The following TMCO2 variants were observed in gnomAD, a reference collection of about 807,000 sequenced individuals.
TMCO2 encodes transmembrane and coiled-coil domain-containing protein 2.
A neutral mutation model predicts 18.0 loss-of-function variants in TMCO2; 15 were observed. The ratio of observed to expected loss-of-function variants is 0.84; its 90% CI spans 0.56 to 1.29. TMCO2 has a LOEUF of 1.29. Among genes scored for constraint, TMCO2 ranks in the 50% most tolerant of loss-of-function variants. The pLI is 0.00. For synonymous variants in TMCO2, 79 were observed against 75.9 expected (o/e 1.04, Z -0.21); for missense variants, 182 against 200.9 (o/e 0.91, Z 0.57).
rs767171562 is a variant in TMCO2, at chr1:40,248,199, C to T, written c.206C>T (p.Ala69Val). 2.4e-5 allele frequency: 39 copies of T among 1,613,362 alleles called. No homozygotes were observed. In the African/African-American group the frequency reaches 4.0e-4, roughly 17 times the overall value. ...FLILLGIGIY[A>V]LWKRSIQSIQ... ...ATTTTATTGGGAATAGGAATATATG[C>T]CTTATGGAAACGAAGTATTCAGTCA... Residue 69 changes from alanine to valine, a missense_variant, in exon 1 of 2, where the codon GCC becomes GTC. Physicochemically the swap from Ala to Val is moderately conservative, Grantham distance 64. Transcript: ENST00000372766.
At chr1:40,251,202 C>G in intron 1 of TMCO2, 81 bp from the exon 2 acceptor site, 2 of 1,121,718 alleles carry the variant, frequency 1.8e-6, no homozygotes, top group Non-Finnish European at 1.3e-6. Context: ...ATTATTGTTA[C>G]TATTAGGTTT....
At chr1:40,249,977 T>C (rs923742781) in intron 1 of TMCO2, among the ~76,000 whole-genome samples, 1 of 150,788 alleles carries the variant, frequency 6.6e-6, no homozygotes, top group Non-Finnish European at 1.5e-5. Flanking sequence ...GCCCAGCATA[T>C]GCTTTATTTT....
Position 40,251,659 on chromosome 1 carries a change from AATAAAG to A in TMCO2, c.*69_*74del, listed in dbSNP as rs1401083921. 3 of 1,519,556 alleles carry A rather than the reference AATAAAG, an allele frequency of 2.0e-6. No individual in the cohort carries two copies. Among genetic ancestry groups the A allele is most frequent in the Admixed American group, 2.2e-5 (1 of 45,494 alleles). 94.1% of individuals were successfully genotyped at this position (1,519,556 alleles called of 1,614,324 possible). A position where few individuals can be genotyped will look rare whatever the true frequency, so the allele number is the denominator to read the frequency against. ...TCCCTCATGTGTGCAGTGGTGTATC[AATAAAG>A]ATAGAGAACGCTATTGAAATTACCG... On this transcript the variant is annotated 3_prime_UTR_variant, in exon 2 of 2. Coordinates refer to ENST00000372766, the MANE Select transcript of TMCO2 (RefSeq NM_001008740.4).
At position 40,251,514 on chromosome 1, in the gene TMCO2, G is replaced by T. The variant is rs1643384627; in HGVS notation, c.469G>T (p.Asp157Tyr). The T allele has an allele frequency of 6.2e-7, 1 of 1,613,988 alleles. No homozygotes were observed. The highest frequency in any genetic ancestry group is 1.3e-5 in the African/African-American group (1 of 75,038). Residue 157 changes from aspartate to tyrosine, a missense_variant, in exon 2 of 2, where the codon GAT (aspartate) becomes TAT (tyrosine). By Grantham distance (160) the Asp-to-Tyr change is radical. Transcript: ENST00000372766. ...TGCTCAAAAACCTGCCACGAAGAGG[G>T]ATTGCTCCTCTGAGCCCTACTGCAG... ...IVAQKPATKR[D>Y]CSSEPYCSCS... is the part of the protein sequence containing the mutation.
At chr1:40,248,432 C>T (rs770170669) in intron 1 of TMCO2, among the ~76,000 whole-genome samples, 5 of 152,170 alleles carry the variant, frequency 3.3e-5, no homozygotes, top group Non-Finnish European at 4.4e-5. Flanking sequence ...TCACAATGGT[C>T]TTTGGCTTGT....
intron 1 of TMCO2, among the ~76,000 whole-genome samples, chr1:40,248,831 T>G (rs1643358116): frequency 6.6e-6 from 1 of 152,092 alleles, no homozygotes; most frequent in Non-Finnish European, 1.5e-5. Context: ...TTCCATGAAA[T>G]GGATGGAGAT....
chr1:40,251,186 T>C (rs928087288), intron 1 of TMCO2, 97 bp from the exon 2 acceptor site: 3 of 1,030,056 alleles, frequency 2.9e-6, no homozygotes, highest in Non-Finnish European at 4.2e-6. Flanking sequence ...GTTATTGGAA[T>C]GAGGAATTAT....
At chr1:40,248,336 G>A in intron 1 of TMCO2, 106 bp downstream of exon 1, 1 of 960,002 alleles carries the variant, frequency 1.0e-6, no homozygotes, top group Non-Finnish European at 1.5e-6. Context: ...ATGTGCAAAG[G>A]CGAACCTTTG....
chr1:40,250,530 AC>A (rs933692908), intron 1 of TMCO2, among the ~76,000 whole-genome samples: 6 of 152,052 alleles, frequency 3.9e-5, no homozygotes, highest in African/African-American at 1.4e-4. Context: ...CTTTTCCATG[AC>A]CAAGAAATCC....
At position 40,249,255 on chromosome 1, in the gene TMCO2, ATGTGTGTGTG is replaced by A. The variant is rs3075101; in HGVS notation, c.237+1063_237+1072del. ...CAACTGACCTAAATCTTGAACAGGAATGTGTGTGTGTGTGTGTGTGTGTGTGTGTGTGTGT... is the reference window on the plus strand; with the variant it reads ...CAACTGACCTAAATCTTGAACAGGAATGTGTGTGTGTGTGTGTGTGTGTGT... On this transcript the variant is annotated intron_variant, in intron 1 of 1. Coordinates refer to ENST00000372766, the MANE Select transcript of TMCO2 (RefSeq NM_001008740.4). Among the ~76,000 whole-genome samples the A allele has an allele frequency of 4.9e-3, 690 of 139,926 alleles. 3 individuals carry two copies. The highest frequency in any genetic ancestry group is 0.014 in the African/African-American group (549 of 37,924). The allele number at this position is 139,926 out of a possible 152,430, so 91.8% of individuals were successfully genotyped here.
intron 1 of TMCO2, among the ~76,000 whole-genome samples, chr1:40,250,699 A>G (rs1030988134): frequency 1.3e-5 from 2 of 152,222 alleles, no homozygotes; most frequent in Admixed American, 1.3e-4. Context: ...GCATAAATAG[A>G]TCATGCAAAG....
At chr1:40,250,173 T>A (rs1643370329) in intron 1 of TMCO2, among the ~76,000 whole-genome samples, 1 of 151,640 alleles carries the variant, frequency 6.6e-6, no homozygotes, top group Admixed American at 6.6e-5. Context: ...ATTTTAAAAA[T>A]TTTTTTGTAG....
At position 40,248,270 on chromosome 1, in the gene TMCO2, T is replaced by C. The variant is rs544777435; in HGVS notation, c.237+40T>C. On this transcript the variant is annotated intron_variant, in intron 1 of 1. Transcript: ENST00000372766. Reference sequence around the variant, plus strand: ...TTACAAACATTTATATAGTTATAAATTGAAATTTGATTAGTTCTCTCCCAT... The same window carrying C: ...TTACAAACATTTATATAGTTATAAACTGAAATTTGATTAGTTCTCTCCCAT... 6 of 1,534,046 alleles carry C rather than the reference T, an allele frequency of 3.9e-6. No individual in the cohort carries two copies. In the South Asian group the frequency reaches 5.8e-5, roughly 15 times the overall value.
At chr1:40,250,951 C>T (rs1643378468) in intron 1 of TMCO2, among the ~76,000 whole-genome samples, 1 of 152,112 alleles carries the variant, frequency 6.6e-6, no homozygotes. Flanking sequence ...TCCTGGCTAA[C>T]ACGGTGAAAC....
intron 1 of TMCO2, 84 bp downstream of exon 1, chr1:40,248,314 A>G (rs1257993664): frequency 3.3e-6 from 4 of 1,204,912 alleles, no homozygotes; most frequent in Non-Finnish European, 4.7e-6. Flanking sequence ...CACCAGTTTT[A>G]AGATCATGCA....
chr1:40,247,987 T>G lies in TMCO2; in HGVS notation c.-7T>G, dbSNP rs768611214. 9.9e-6 allele frequency: 16 copies of G among 1,610,046 alleles called. No homozygotes were observed. In the Admixed American group the frequency reaches 1.2e-4, roughly 12 times the overall value. On this transcript the variant is annotated 5_prime_UTR_variant, in exon 1 of 2. Transcript: ENST00000372766. Reference sequence around the variant, plus strand: ...ACATGTAGTTCCTAGAGCTGCTGCTTATTAAAATGTCAACATCTTCATCTT... The same window carrying G: ...ACATGTAGTTCCTAGAGCTGCTGCTGATTAAAATGTCAACATCTTCATCTT...
rs182725146 is a variant in TMCO2 at position 40,250,710 on chromosome 1, G to C, written c.238-573G>C. Reference sequence around the variant, plus strand: ...TTCTGCATAAATAGATCATGCAAAGGCAAAGTTACTTCCAGACATTCAGAA... The same window carrying C: ...TTCTGCATAAATAGATCATGCAAAGCCAAAGTTACTTCCAGACATTCAGAA... On this transcript the variant is annotated intron_variant, in intron 1 of 1. Transcript: ENST00000372766. Among the ~76,000 whole-genome samples, 5 of 152,226 alleles carry C rather than the reference G, an allele frequency of 3.3e-5. No individual in the cohort carries two copies. The East Asian group carries it at 9.6e-4, about 29-fold the overall frequency.
chr1:40,250,765 A>C (rs1382882506), intron 1 of TMCO2, among the ~76,000 whole-genome samples: 1 of 152,234 alleles, frequency 6.6e-6, no homozygotes, highest in East Asian at 1.9e-4. Flanking sequence ...AATCTTGATT[A>C]AATGCAAATA....
rs59384076 is a variant in TMCO2, at chr1:40,251,136, CAAAAAAAAAA to C, written c.238-136_238-127del. On this transcript the variant is annotated intron_variant, in intron 1 of 1. Coordinates refer to ENST00000372766, the MANE Select transcript of TMCO2 (RefSeq NM_001008740.4). ...TGGGTGACAGAGTGAAACTCCATCT[CAAAAAAAAAA>C]AAAAAAAAAATTTGCTAAATGGGAG... The C allele has an allele frequency of 4.5e-5, 19 of 419,728 alleles. No individual in the cohort carries two copies. The African/African-American group carries it at 5.5e-4, about 12-fold the overall frequency. The allele number at this position is 419,728 out of a possible 1,614,324, so 26.0% of individuals were successfully genotyped here.
Sources: gnomAD v4.1 joint callset for allele counts (sites outside exome capture counted in the v4.1 genomes callset) on GRCh38, gnomAD v4.1.1 for gene constraint, MANE v1.5 for transcripts, NCBI Gene and HGNC (gene_info 2026-07-23, HGNC 2026-07-21) for gene names.